Variants in CTNNA3 observed in about 807,000 individuals in gnomAD.
The protein encoded by CTNNA3 is catenin alpha-3.
Under a neutral mutation model 95.7 loss-of-function variants are expected in CTNNA3, and 76 were observed. That is an observed-to-expected ratio of 0.79 (90% CI 0.66 to 0.96). The LOEUF is 0.96. CTNNA3 is among the 40% of genes least tolerant of loss of function. CTNNA3 has a pLI of 0.00. For synonymous variants in CTNNA3, 431 were observed against 374.4 expected (o/e 1.15, Z -1.74); for missense variants, 1,191 against 1,089.8 (o/e 1.09, Z -1.31).
At chr10:66,436,151 G>C (rs1349987065) in intron 11 of CTNNA3, among the ~76,000 whole-genome samples, 2 of 152,164 alleles carry the variant, frequency 1.3e-5, no homozygotes, top group Non-Finnish European at 2.9e-5. Context: ...TGTATATTCT[G>C]TTGATTTGAG....
chr10:67,198,674 C>T (rs537683947), intron 6 of CTNNA3, among the ~76,000 whole-genome samples: 44 of 152,066 alleles, frequency 2.9e-4, no homozygotes, highest in Non-Finnish European at 1.0e-4. Context: ...CATAGGGTGT[C>T]GATGCAAGAC....
intron 10 of CTNNA3, among the ~76,000 whole-genome samples, chr10:66,522,333 G>T (rs192095103): frequency 4.4e-4 from 67 of 152,130 alleles, no homozygotes; most frequent in African/African-American, 1.5e-3. Flanking sequence ...GCCTTTCATA[G>T]GGGTTTGATA....
intron 3 of CTNNA3, among the ~76,000 whole-genome samples, chr10:67,545,537 C>T (rs569776273): frequency 6.6e-6 from 1 of 151,978 alleles, no homozygotes; most frequent in Admixed American, 6.6e-5. Context: ...ATTTTTAATG[C>T]TTTAGAGACA....
chr10:67,455,820 A>G (rs1472141048), intron 5 of CTNNA3, among the ~76,000 whole-genome samples: 2 of 152,176 alleles, frequency 1.3e-5, no homozygotes, highest in Non-Finnish European at 2.9e-5. Flanking sequence ...ATGTGGAGAC[A>G]TGATGATTAC....
intron 14 of CTNNA3, chr10:66,085,165 T>C (rs577290713): frequency 3.3e-5 from 5 of 152,234 alleles, no homozygotes; most frequent in African/African-American, 1.2e-4. Flanking sequence ...GTTTAAAAGA[T>C]TTGTAGAAGA....
intron 7 of CTNNA3, among the ~76,000 whole-genome samples, chr10:66,890,290 C>T (rs573058077): frequency 1.3e-4 from 20 of 150,102 alleles, no homozygotes; most frequent in South Asian, 6.3e-4. Context: ...GCTCATGGAA[C>T]GGAATAATAT....
At chr10:66,912,918 T>G (rs1846281609) in intron 7 of CTNNA3, among the ~76,000 whole-genome samples, 1 of 152,256 alleles carries the variant, frequency 6.6e-6, no homozygotes, top group East Asian at 1.9e-4. Context: ...ATATCCAAGC[T>G]TCTTCCAATT....
chr10:66,420,393 G>A (rs2093181237), intron 11 of CTNNA3, among the ~76,000 whole-genome samples: 1 of 152,124 alleles, frequency 6.6e-6, no homozygotes, highest in Non-Finnish European at 1.5e-5. Flanking sequence ...CAATTGAACA[G>A]AGAGTGTCTA....
intron 7 of CTNNA3, among the ~76,000 whole-genome samples, chr10:67,116,550 A>G (rs1055995156): frequency 6.6e-6 from 1 of 151,638 alleles, no homozygotes; most frequent in African/African-American, 2.4e-5. Context: ...AATAGCTCAG[A>G]TATCTGTGAG....
chr10:66,275,392 C>T (rs2091373027), intron 13 of CTNNA3, among the ~76,000 whole-genome samples: 1 of 152,200 alleles, frequency 6.6e-6, no homozygotes, highest in Non-Finnish European at 1.5e-5. Flanking sequence ...AGGCGTGAGC[C>T]ACTGAACTTG....
intron 7 of CTNNA3, among the ~76,000 whole-genome samples, chr10:66,877,822 A>G (rs776784632): frequency 5.3e-5 from 8 of 152,102 alleles, no homozygotes; most frequent in Admixed American, 1.3e-4. Flanking sequence ...AATGGATTCT[A>G]TTTTTGTACC....
chr10:66,848,594 C>A (rs1412072052), intron 7 of CTNNA3, among the ~76,000 whole-genome samples: 1 of 152,142 alleles, frequency 6.6e-6, no homozygotes, highest in Non-Finnish European at 1.5e-5. Flanking sequence ...ACACCAAATT[C>A]TTGCAGATAA....
At chr10:66,715,614 C>A (rs1340491750) in intron 9 of CTNNA3, among the ~76,000 whole-genome samples, 1 of 152,212 alleles carries the variant, frequency 6.6e-6, no homozygotes, top group Non-Finnish European at 1.5e-5. Flanking sequence ...TTTTAGATAA[C>A]TAAAAGCTGG....
intron 7 of CTNNA3, among the ~76,000 whole-genome samples, chr10:66,908,394 G>T (rs563739783): frequency 3.3e-5 from 5 of 152,158 alleles, no homozygotes; most frequent in Non-Finnish European, 5.9e-5. Flanking sequence ...TCAAGTTAGG[G>T]TATTTGTGGA....
At chr10:65,961,313 C>T (rs1253574086) in intron 17 of CTNNA3, among the ~76,000 whole-genome samples, 1 of 152,046 alleles carries the variant, frequency 6.6e-6, no homozygotes, top group African/African-American at 2.4e-5. Context: ...CTCAACTGAT[C>T]ATGATACAAT....
At chr10:67,355,667 T>C (rs1842784237) in intron 5 of CTNNA3, among the ~76,000 whole-genome samples, 1 of 151,902 alleles carries the variant, frequency 6.6e-6, no homozygotes, top group Non-Finnish European at 1.5e-5. Context: ...TGAACATTCA[T>C]CCACCATCAT....
intron 5 of CTNNA3, among the ~76,000 whole-genome samples, chr10:67,315,950 A>G (rs1589157633): frequency 6.6e-6 from 1 of 152,280 alleles, no homozygotes; most frequent in East Asian, 1.9e-4. Flanking sequence ...ATAGAAAACA[A>G]TTGAAATTGA....
At chr10:67,304,468 A>C (rs1428831411) in intron 5 of CTNNA3, among the ~76,000 whole-genome samples, 1 of 152,230 alleles carries the variant, frequency 6.6e-6, no homozygotes, top group Non-Finnish European at 1.5e-5. Flanking sequence ...GAGCTTTGTT[A>C]GAAAATAAAA....
chr10:66,995,409 T>C (rs1851272685), intron 7 of CTNNA3, among the ~76,000 whole-genome samples: 1 of 152,186 alleles, frequency 6.6e-6, no homozygotes, highest in Non-Finnish European at 1.5e-5. Context: ...ACATGGCCCA[T>C]GGTAGCAGTC....
Sources: gnomAD v4.1 joint callset for allele counts (sites outside exome capture counted in the v4.1 genomes callset) on GRCh38, gnomAD v4.1.1 for gene constraint, MANE v1.5 for transcripts, NCBI Gene and HGNC (gene_info 2026-07-23, HGNC 2026-07-21) for gene names.